The following NTM variants were observed in gnomAD, a reference collection of about 807,000 sequenced individuals.
The protein encoded by NTM is neurotrimin, also known as IgLON family member 2.
A neutral mutation model predicts 42.1 loss-of-function variants in NTM; 13 were observed. That is an observed-to-expected ratio of 0.31 (90% confidence interval 0.20 to 0.49). The LOEUF (loss-of-function observed/expected upper bound fraction) is 0.49. Ranked by LOEUF, NTM falls within the 20% of genes least tolerant of loss-of-function variation. The pLI, the probability that NTM is intolerant of heterozygous loss-of-function variation, is 0.99. For synonymous variants in NTM, 187 were observed against 179.2 expected, an observed-to-expected ratio of 1.04 and a Z score of -0.35; for missense variants, 373 against 452.8, an observed-to-expected ratio of 0.82 and a Z score of 1.60.
chr11:131,538,983 AG>A (rs1308762047), intron 1 of NTM: 1 of 130,774 alleles, frequency 7.6e-6, no homozygotes, highest in Non-Finnish European at 1.5e-5. Flanking sequence ...CCCAGGCTGG[AG>A]TGCAGTGATG....
intron 1 of NTM, chr11:131,767,085 A>G: frequency 2.2e-6 from 2 of 924,432 alleles, no homozygotes; most frequent in South Asian, 1.0e-4. Context: ...CTGCTTTTGT[A>G]CCTAGAACTC....
chr11:131,917,111 A>G (rs978579049), intron 2 of NTM, among the ~76,000 whole-genome samples: 1 of 152,196 alleles, frequency 6.6e-6, no homozygotes, highest in Non-Finnish European at 1.5e-5. Context: ...TTATCTGTGT[A>G]TGGGTTGTCT....
At chr11:132,286,943 C>G (rs776714253) in intron 4 of NTM, among the ~76,000 whole-genome samples, 1 of 152,184 alleles carries the variant, frequency 6.6e-6, no homozygotes, top group Non-Finnish European at 1.5e-5. Context: ...TTCTTTGGTG[C>G]CTATGTCCTT....
intron 1 of NTM, among the ~76,000 whole-genome samples, chr11:131,758,911 G>A (rs968200814): frequency 9.2e-5 from 14 of 152,042 alleles, no homozygotes; most frequent in African/African-American, 3.4e-4. Context: ...TTTTCTTAAA[G>A]CCTGTACCGG....
chr11:132,166,094 G>A (rs184423017), intron 3 of NTM, among the ~76,000 whole-genome samples: 22 of 152,164 alleles, frequency 1.4e-4, no homozygotes, highest in African/African-American at 5.1e-4. Flanking sequence ...TATCCTGCTT[G>A]TTGTAGTTTT....
At chr11:131,740,655 G>A (rs1256274058) in intron 1 of NTM, among the ~76,000 whole-genome samples, 1 of 152,008 alleles carries the variant, frequency 6.6e-6, no homozygotes, top group Non-Finnish European at 1.5e-5. Flanking sequence ...TAATCCATGA[G>A]TCTCTCTCTG....
At chr11:131,375,770 CT>C (rs1941886830) in intron 1 of NTM, among the ~76,000 whole-genome samples, 2 of 151,062 alleles carry the variant, frequency 1.3e-5, no homozygotes, top group African/African-American at 4.9e-5. Flanking sequence ...GGTCGGTAAC[CT>C]CTGAGAACTT....
intron 1 of NTM, among the ~76,000 whole-genome samples, chr11:131,383,305 G>A (rs1364364158): frequency 6.6e-6 from 1 of 152,168 alleles, no homozygotes; most frequent in Non-Finnish European, 1.5e-5. Flanking sequence ...CAACAACAAG[G>A]CAGGCATAGT....
intron 1 of NTM, among the ~76,000 whole-genome samples, chr11:131,706,897 A>G (rs1392133799): frequency 6.6e-6 from 1 of 152,070 alleles, no homozygotes; most frequent in Non-Finnish European, 1.5e-5. Context: ...ATGAGGTACA[A>G]TGTGATGTTG....
In NTM at chr11:131,706,223, T is replaced by C. The variant is rs189988662; in HGVS notation, c.83-205341T>C. Among the ~76,000 whole-genome samples the C allele has an allele frequency of 1.2e-3, 183 of 151,726 alleles. 1 individual carries two copies. Among genetic ancestry groups the C allele is most frequent in the Non-Finnish European group, 2.1e-4 (14 of 67,784 alleles). Reference sequence around the variant, plus strand: ...AAAAAATAGACTTTAAGTCAAAAATTGTCAGAAGAGACCAAAAAAGGCCAT... The same window carrying C: ...AAAAAATAGACTTTAAGTCAAAAATCGTCAGAAGAGACCAAAAAAGGCCAT... On this transcript the variant is annotated intron_variant, in intron 1 of 8. Transcript: ENST00000683400.
chr11:131,574,827 G>T (rs1031123585), intron 1 of NTM, among the ~76,000 whole-genome samples: 1 of 151,992 alleles, frequency 6.6e-6, no homozygotes, highest in Non-Finnish European at 1.5e-5. Flanking sequence ...GCATCGACGG[G>T]GGCTGCTCCC....
At chr11:131,785,084 G>T (rs2136044292) in intron 1 of NTM, among the ~76,000 whole-genome samples, 1 of 152,170 alleles carries the variant, frequency 6.6e-6, no homozygotes, top group African/African-American at 2.4e-5. Context: ...TTTTACTGAT[G>T]ACATACTGGA....
intron 1 of NTM, among the ~76,000 whole-genome samples, chr11:131,758,844 G>C (rs1425739290): frequency 1.3e-5 from 2 of 151,966 alleles, no homozygotes; most frequent in Non-Finnish European, 2.9e-5. Flanking sequence ...CACCTGCCTC[G>C]GCCTCCCAAA....
At chr11:131,918,032 G>A (rs182357019) in intron 2 of NTM, among the ~76,000 whole-genome samples, 135 of 152,318 alleles carry the variant, frequency 8.9e-4, no homozygotes, top group South Asian at 2.1e-3. Flanking sequence ...GCAGAAAAAC[G>A]TCTCCTTTCT....
intron 4 of NTM, among the ~76,000 whole-genome samples, chr11:132,302,973 C>T (rs529534031): frequency 1.3e-5 from 2 of 152,166 alleles, no homozygotes; most frequent in East Asian, 1.9e-4. Context: ...ATGAGTGGGA[C>T]CTAGAATTCT....
chr11:131,656,889 C>T (rs1391877511), intron 1 of NTM, among the ~76,000 whole-genome samples: 7 of 152,082 alleles, frequency 4.6e-5, no homozygotes, highest in Non-Finnish European at 8.8e-5. Context: ...TTGAATTGCA[C>T]GTGGAATCTG....
intron 2 of NTM, among the ~76,000 whole-genome samples, chr11:131,981,776 T>C (rs2065273255): frequency 6.6e-6 from 1 of 152,028 alleles, no homozygotes; most frequent in Non-Finnish European, 1.5e-5. Context: ...ATTGGGAGGC[T>C]GAGGCAGGTG....
intron 1 of NTM, chr11:131,795,869 T>C: frequency 7.1e-6 from 7 of 984,392 alleles, no homozygotes; most frequent in East Asian, 1.1e-4. Context: ...TCCTGAACCA[T>C]AGAGACCGCC....
chr11:132,065,415 G>T (rs1022970212), intron 2 of NTM, among the ~76,000 whole-genome samples: 2 of 152,078 alleles, frequency 1.3e-5, no homozygotes, highest in East Asian at 3.9e-4. Context: ...GTTAACCAGG[G>T]CTTCCTCATC....
Sources: gnomAD v4.1 joint callset for allele counts (sites outside exome capture counted in the v4.1 genomes callset) on GRCh38, gnomAD v4.1.1 for gene constraint, MANE v1.5 for transcripts, NCBI Gene and HGNC (gene_info 2026-07-23, HGNC 2026-07-21) for gene names.